The following CDH17 variants were observed in gnomAD, a reference collection of about 807,000 sequenced individuals.
CDH17 encodes cadherin 17.
A neutral mutation model predicts 86.3 loss-of-function variants in CDH17; 67 were observed. The observed-to-expected ratio is 0.78, with a 90% CI of 0.64 to 0.95. CDH17 has a LOEUF of 0.95. Ranked by LOEUF, CDH17 falls within the 40% of genes least tolerant of loss-of-function variation. The probability of loss-of-function intolerance (pLI) is 0.00; values close to 1 mark genes in which losing one functional copy is unlikely to be tolerated. For synonymous variants in CDH17, 367 were observed against 366.4 expected (o/e 1.00, Z -0.02); for missense variants, 993 against 1,017.6 (o/e 0.98, Z 0.33).
intron 14 of CDH17, among the ~76,000 whole-genome samples, chr8:94,147,378 A>C (rs917991671): frequency 6.6e-6 from 1 of 152,148 alleles, no homozygotes; most frequent in African/African-American, 2.4e-5. Context: ...GACTTGACTG[A>C]AGTAATTTTG....
At chr8:94,183,298 C>T (rs971411146) in intron 3 of CDH17, among the ~76,000 whole-genome samples, 1 of 152,014 alleles carries the variant, frequency 6.6e-6, no homozygotes, top group Non-Finnish European at 1.5e-5. Flanking sequence ...GAATAGCCAA[C>T]AACAAAGTAG....
intron 15 of CDH17, among the ~76,000 whole-genome samples, chr8:94,138,472 G>A (rs919705467): frequency 2.6e-5 from 4 of 152,190 alleles, no homozygotes; most frequent in Non-Finnish European, 5.9e-5. Flanking sequence ...ACAGAGCCCA[G>A]TGATGTCCCT....
chr8:94,137,907 A>G (rs995090520), intron 15 of CDH17, among the ~76,000 whole-genome samples: 2 of 152,156 alleles, frequency 1.3e-5, no homozygotes, highest in African/African-American at 4.8e-5. Context: ...AAGATTGGAG[A>G]GTACCTGGGA....
At chr8:94,163,214 G>A (rs543389623) in intron 10 of CDH17, among the ~76,000 whole-genome samples, 2 of 152,348 alleles carry the variant, frequency 1.3e-5, no homozygotes, top group Non-Finnish European at 2.9e-5. Context: ...AGGGAATAGA[G>A]AAGTTCAGGT....
Position 94,172,025 on chromosome 8 carries a change from C to T in CDH17, c.784-1040G>A, listed in dbSNP as rs1483788398. On this transcript the variant is annotated intron_variant, in intron 7 of 17. Coordinates refer to ENST00000027335, the MANE Select transcript of CDH17 (RefSeq NM_004063.4). ...CCCTCCTCCCTCCCCTTCTCCCGCT[C>T]CTCCTTCCCCCTCTCCCCCTCTCTC... 4.4e-5 allele frequency among the ~76,000 whole-genome samples: 6 copies of T among 137,428 alleles called. No individual in the cohort carries two copies. In the East Asian group the frequency reaches 1.6e-3, roughly 36 times the overall value. 90.2% of individuals were successfully genotyped at this position (137,428 alleles called of 152,430 possible).
chr8:94,204,391 G>A (rs1813983780), intron 1 of CDH17, among the ~76,000 whole-genome samples: 2 of 152,160 alleles, frequency 1.3e-5, no homozygotes, highest in South Asian at 4.1e-4. Context: ...GTGAGAACAT[G>A]CAGAGTTTGG....
intron 12 of CDH17, 134 bp downstream of exon 12, chr8:94,159,837 G>A (rs1017536056): frequency 1.2e-5 from 7 of 573,142 alleles, no homozygotes; most frequent in Non-Finnish European, 2.0e-5. Context: ...GAGGAATCCA[G>A]GAATCCAGGA....
chr8:94,160,596 A>G (rs1025577686), intron 11 of CDH17, among the ~76,000 whole-genome samples: 18 of 152,222 alleles, frequency 1.2e-4, no homozygotes, highest in African/African-American at 4.3e-4. Flanking sequence ...CAGCCTGAAT[A>G]TGAATTGTAG....
intron 9 of CDH17, among the ~76,000 whole-genome samples, chr8:94,166,306 C>A (rs1586255171): frequency 6.6e-6 from 1 of 152,158 alleles, no homozygotes; most frequent in Non-Finnish European, 1.5e-5. Flanking sequence ...GCTGTCTTTT[C>A]CTTCCGGTGC....
At chr8:94,211,361 G>C (rs373107127), upstream of CDH17, among the ~76,000 whole-genome samples, 51 of 151,868 alleles carry the variant, frequency 3.4e-4, no homozygotes, top group African/African-American at 1.2e-3. Flanking sequence ...CCCAAGGCTG[G>C]AGTGCAATGG....
At chr8:94,128,859 A>G (rs1189697940) in intron 17 of CDH17, among the ~76,000 whole-genome samples, 2 of 152,028 alleles carry the variant, frequency 1.3e-5, no homozygotes, top group East Asian at 3.9e-4. Flanking sequence ...GATCCTGCCT[A>G]TGTTGTTGTG....
At chr8:94,199,625 T>A (rs1343254800) in intron 1 of CDH17, among the ~76,000 whole-genome samples, 2 of 152,206 alleles carry the variant, frequency 1.3e-5, no homozygotes, top group Non-Finnish European at 2.9e-5. Context: ...AATGTACTTA[T>A]CCTTTATTTT....
Position 94,195,829 on chromosome 8 carries a change from C to G in CDH17, c.-20-1124G>C, listed in dbSNP as rs548898221. On this transcript the variant is annotated intron_variant, in intron 1 of 17. Coordinates refer to ENST00000027335, the MANE Select transcript of CDH17 (RefSeq NM_004063.4). ...AGGCTGGAGTGCAGTGGCACGATCT[C>G]AGCTTATTGCAAGCTCCGCCTCCCA... 2.6e-5 allele frequency among the ~76,000 whole-genome samples: 4 copies of G among 151,724 alleles called. No individual in the cohort carries two copies. In the South Asian group the frequency reaches 8.3e-4, roughly 32 times the overall value.
chr8:94,204,187 C>T (rs1813978665), intron 1 of CDH17, among the ~76,000 whole-genome samples: 1 of 151,958 alleles, frequency 6.6e-6, no homozygotes, highest in Non-Finnish European at 1.5e-5. Flanking sequence ...GCAGAACATG[C>T]AGGTTTGTTA....
intron 2 of CDH17, 26 bp downstream of exon 2, chr8:94,194,609 T>C (rs1227449688): frequency 1.3e-6 from 2 of 1,492,664 alleles, no homozygotes; most frequent in African/African-American, 2.8e-5. Flanking sequence ...AGTAAACAAA[T>C]AGAGAAGAAC....
chr8:94,170,050 G>T (rs1813236906), intron 9 of CDH17, among the ~76,000 whole-genome samples: 1 of 152,082 alleles, frequency 6.6e-6, no homozygotes, highest in Non-Finnish European at 1.5e-5. Flanking sequence ...ATTATTAGAA[G>T]TCAAATAACG....
intron 1 of CDH17, among the ~76,000 whole-genome samples, chr8:94,215,080 G>T (rs1034495395): frequency 1.1e-4 from 16 of 152,288 alleles, no homozygotes; most frequent in African/African-American, 3.6e-4. Flanking sequence ...TAAACAGTCT[G>T]GGAGTTTTAA....
Position 94,160,101 on chromosome 8 carries a change from G to A in CDH17, c.1421C>T (p.Ala474Val), listed in dbSNP as rs1039325781. The A allele has an allele frequency of 1.2e-6, 2 of 1,613,622 alleles. No individual in the cohort carries two copies. Among genetic ancestry groups the A allele is most frequent in the Admixed American group, 1.7e-5 (1 of 59,970 alleles). ...AGTAAATGGCTCATCAGCATCAGTG[G>A]CCTGGATGGTTAAGATGGTGGACCC... ...NIGSTILTIQ[A>V]TDADEPFTGS... The change falls in exon 12 of 18, where the codon GCC (alanine) becomes GTC (valine). Residue 474 changes from alanine (A) to valine (V), a missense_variant. Ala to Val is a moderately conservative substitution (Grantham distance 64). Coordinates refer to ENST00000027335, the MANE Select transcript of CDH17 (RefSeq NM_004063.4).
chr8:94,138,219 A>T (rs1334723518), intron 15 of CDH17, among the ~76,000 whole-genome samples: 1 of 152,230 alleles, frequency 6.6e-6, no homozygotes, highest in African/African-American at 2.4e-5. Context: ...TTAAATATGC[A>T]TATTTAAAAA....
Sources: allele counts gnomAD v4.1 joint callset (sites outside exome capture counted in the v4.1 genomes callset), GRCh38; gene constraint gnomAD v4.1.1; transcripts MANE v1.5; gene names NCBI Gene and HGNC (gene_info 2026-07-23, HGNC 2026-07-21).